The following GNAI3 variants were observed in gnomAD, a reference collection of about 807,000 sequenced individuals.
GNAI3 encodes G protein subunit alpha i3, also known as guanine nucleotide-binding protein G(i) subunit alpha-3.
Under a neutral mutation model 41.8 loss-of-function variants are expected in GNAI3, and 12 were observed. That is an observed-to-expected ratio of 0.29 (90% CI 0.18 to 0.47). The LOEUF (loss-of-function observed/expected upper bound fraction) is 0.47, where lower values mean the gene tolerates loss of function less well. GNAI3 is among the 20% of genes least tolerant of loss of function. GNAI3 has a pLI of 1.00. For missense variants in GNAI3, 360 were observed against 429.6 expected, an observed-to-expected ratio of 0.84 and a Z score of 1.43; for synonymous variants, 132 against 146.5, an observed-to-expected ratio of 0.90 and a Z score of 0.71.
intron 3 of GNAI3, among the ~76,000 whole-genome samples, chr1:109,574,613 T>C (rs1049503689): frequency 2.0e-5 from 3 of 152,188 alleles, no homozygotes; most frequent in Non-Finnish European, 2.9e-5. Flanking sequence ...ATTATTATAA[T>C]AATACTTAGT....
In GNAI3 at chr1:109,595,404, A is replaced by T. The variant is rs995616925; in HGVS notation, c.*3082A>T. ...TAGTTCACAGTGAATCGTTTTTTAA[A>T]TTTTTACTGATGGATCGTTATTTTT... On this transcript the variant is annotated 3_prime_UTR_variant, in exon 9 of 9. Coordinates refer to ENST00000369851, the MANE Select transcript of GNAI3 (RefSeq NM_006496.4). The T allele has an allele frequency of 6.6e-6, 1 of 152,160 alleles. No homozygotes were observed. Among genetic ancestry groups the T allele is most frequent in the African/African-American group, 2.4e-5 (1 of 41,430 alleles). 9.4% of individuals were successfully genotyped at this position (152,160 alleles called of 1,614,324 possible).
intron 1 of GNAI3, among the ~76,000 whole-genome samples, chr1:109,554,954 C>G (rs142356539): frequency 2.0e-5 from 3 of 152,144 alleles, no homozygotes; most frequent in Non-Finnish European, 4.4e-5. Flanking sequence ...ACAAACAATA[C>G]TTAGGAATAT....
chr1:109,582,548 C>A lies in GNAI3; in HGVS notation c.573C>A (p.Phe191Leu). The A allele has an allele frequency of 6.2e-7, 1 of 1,607,360 alleles. No individual in the cohort carries two copies. The highest frequency in any genetic ancestry group is 8.5e-7 in the Non-Finnish European group (1 of 1,173,910). The part of the protein sequence containing the change: ...TTGIVETHFT[F>L]KDLYFKMFDV... Reference sequence around the variant, plus strand: ...GCATTGTAGAAACACATTTCACCTTCAAAGACCTATACTTCAAGTAAGTCA... The same window carrying A: ...GCATTGTAGAAACACATTTCACCTTAAAAGACCTATACTTCAAGTAAGTCA... The change falls in exon 5 of 9, where the codon TTC (phenylalanine) becomes TTA (leucine). Residue 191 changes from phenylalanine (F) to leucine (L), a missense_variant. Phe to Leu is a conservative substitution (Grantham distance 22). Coordinates refer to ENST00000369851, the MANE Select transcript of GNAI3 (RefSeq NM_006496.4).
intron 7 of GNAI3, among the ~76,000 whole-genome samples, chr1:109,588,726 C>G (rs1000125903): frequency 6.6e-6 from 1 of 152,054 alleles, no homozygotes; most frequent in Non-Finnish European, 1.5e-5. Context: ...AACCCTGTCT[C>G]TACTAAAAAT....
At chr1:109,584,760 G>A (rs1313793323) in intron 5 of GNAI3, among the ~76,000 whole-genome samples, 1 of 152,210 alleles carries the variant, frequency 6.6e-6, no homozygotes. Flanking sequence ...TATTGTAAAT[G>A]TTAATATGTG....
At chr1:109,573,277 A>G (rs952697790) in intron 1 of GNAI3, among the ~76,000 whole-genome samples, 3 of 152,314 alleles carry the variant, frequency 2.0e-5, no homozygotes, top group Non-Finnish European at 2.9e-5. Context: ...TTCTGCTTCT[A>G]TTTGAAACAT....
chr1:109,557,835 G>T (rs1477739340), intron 1 of GNAI3, among the ~76,000 whole-genome samples: 1 of 152,148 alleles, frequency 6.6e-6, no homozygotes, highest in Admixed American at 6.5e-5. Context: ...GTATGGTTGG[G>T]TATAGCAGAG....
At chr1:109,555,697 T>C (rs1337509049) in intron 1 of GNAI3, among the ~76,000 whole-genome samples, 3 of 152,162 alleles carry the variant, frequency 2.0e-5, no homozygotes, top group Non-Finnish European at 4.4e-5. Context: ...TTATATGCAT[T>C]ATTACAAAAA....
intron 5 of GNAI3, among the ~76,000 whole-genome samples, chr1:109,585,851 C>CATT (rs935175677): frequency 2.6e-5 from 4 of 151,748 alleles, no homozygotes; most frequent in African/African-American, 7.3e-5. Flanking sequence ...ATAAATATAC[C>CATT]ATTATTATTA....
chr1:109,596,327 A>G lies in GNAI3; in HGVS notation c.*4005A>G, dbSNP rs1054218164. On this transcript the variant is annotated 3_prime_UTR_variant, in exon 9 of 9. Transcript: ENST00000369851. ...TGCTGAGAACAACATACTTCAGAACATGTCAGGATAGGGCAGTTTTTTCTT... is the reference window on the plus strand; with the variant it reads ...TGCTGAGAACAACATACTTCAGAACGTGTCAGGATAGGGCAGTTTTTTCTT... The G allele has an allele frequency of 1.3e-5, 2 of 152,186 alleles. No individual in the cohort carries two copies. Among genetic ancestry groups the G allele is most frequent in the African/African-American group, 4.8e-5 (2 of 41,426 alleles). The allele number at this position is 152,186 out of a possible 1,614,324, so 9.4% of individuals were successfully genotyped here.
intron 7 of GNAI3, among the ~76,000 whole-genome samples, chr1:109,590,073 T>C (rs900483490): frequency 6.6e-6 from 1 of 152,236 alleles, no homozygotes; most frequent in African/African-American, 2.4e-5. Context: ...TGCAGATATG[T>C]AACATTTTGA....
chr1:109,557,253 A>T (rs1476608258), intron 1 of GNAI3, among the ~76,000 whole-genome samples: 1 of 152,016 alleles, frequency 6.6e-6, no homozygotes, highest in Admixed American at 6.6e-5. Context: ...AACTGTTTTG[A>T]TGTTCTGAAT....
At chr1:109,552,311 A>AT (rs1648001242) in intron 1 of GNAI3, among the ~76,000 whole-genome samples, 1 of 152,194 alleles carries the variant, frequency 6.6e-6, no homozygotes, top group Non-Finnish European at 1.5e-5. Context: ...CTGTTTACAA[A>AT]TTTTTTATAG....
intron 1 of GNAI3, among the ~76,000 whole-genome samples, chr1:109,568,830 C>T (rs1468556647): frequency 2.0e-5 from 3 of 151,142 alleles, no homozygotes; most frequent in African/African-American, 7.4e-5. Context: ...GCTACCAGGC[C>T]CAGCTAATTT....
At chr1:109,549,367 TG>T (rs1392559121) in intron 1 of GNAI3, among the ~76,000 whole-genome samples, 1 of 152,196 alleles carries the variant, frequency 6.6e-6, no homozygotes, top group Non-Finnish European at 1.5e-5. Flanking sequence ...CCATTTGAAC[TG>T]TTGGAAGAAC....
rs1649290124 is a variant in GNAI3, at chr1:109,595,893, T to C, written c.*3571T>C. On this transcript the variant is annotated 3_prime_UTR_variant, in exon 9 of 9. Coordinates refer to ENST00000369851, the MANE Select transcript of GNAI3 (RefSeq NM_006496.4). ...TAAACCTAAAACGTCACTGTTTTCCTTGAGCGTTAGTACTTGTGGGTTCTT... is the reference window on the plus strand; with the variant it reads ...TAAACCTAAAACGTCACTGTTTTCCCTGAGCGTTAGTACTTGTGGGTTCTT... 6.6e-6 allele frequency: 1 copy of C among 152,170 alleles called. No homozygotes were observed. 9.4% of individuals were successfully genotyped at this position (152,170 alleles called of 1,614,324 possible).
At position 109,548,661 on chromosome 1, in the gene GNAI3, G is replaced by A; in HGVS notation, c.-60G>A. 3 of 1,236,110 alleles carry A rather than the reference G, an allele frequency of 2.4e-6. 1 individual carries two copies. The East Asian group carries it at 7.1e-5, about 29-fold the overall frequency. 76.6% of individuals were successfully genotyped at this position (1,236,110 alleles called of 1,614,324 possible). A position where few individuals can be genotyped will look rare whatever the true frequency, so the allele number is the denominator to read the frequency against. On this transcript the variant is annotated 5_prime_UTR_variant, in exon 1 of 9. Transcript: ENST00000369851. The stretch of plus-strand genomic sequence containing the variant: ...GCAATAGACGGTGCCTCAGCCTGCC[G>A]AGCCGCAGTTTCCGTGGTGTGAGTG...
In GNAI3 at chr1:109,556,909, C is replaced by T. The variant is rs1446151092; in HGVS notation, c.118+8071C>T. Among the ~76,000 whole-genome samples the T allele has an allele frequency of 4.6e-5, 7 of 152,154 alleles. No homozygotes were observed. In the South Asian group the frequency reaches 1.4e-3, roughly 32 times the overall value. On this transcript the variant is annotated intron_variant, in intron 1 of 8. Coordinates refer to ENST00000369851, the MANE Select transcript of GNAI3 (RefSeq NM_006496.4). ...TTCTTAGTAAATACATTTTAAAAATCTCAGACTACTGTCTGTTATGATTAC... is the reference window on the plus strand; with the variant it reads ...TTCTTAGTAAATACATTTTAAAAATTTCAGACTACTGTCTGTTATGATTAC...
intron 7 of GNAI3, among the ~76,000 whole-genome samples, chr1:109,589,763 A>G (rs527770637): frequency 6.6e-6 from 1 of 152,330 alleles, no homozygotes; most frequent in Admixed American, 6.5e-5. Flanking sequence ...TATCCAAAAT[A>G]GGGCAATTTC....
Sources: gnomAD v4.1 joint callset for allele counts (sites outside exome capture counted in the v4.1 genomes callset) on GRCh38, gnomAD v4.1.1 for gene constraint, MANE v1.5 for transcripts, NCBI Gene and HGNC (gene_info 2026-07-23, HGNC 2026-07-21) for gene names.